Variants in ZNF562 observed in about 807,000 individuals in gnomAD.
ZNF562 encodes the protein zinc finger protein 562.
Under a neutral mutation model 17.5 loss-of-function variants are expected in ZNF562, and 13 were observed. The ratio of observed to expected loss-of-function variants is 0.74; its 90% CI spans 0.48 to 1.18. ZNF562 has a LOEUF of 1.18. ZNF562 is among the 50% of genes most tolerant of loss of function. The pLI is 0.00. For missense variants in ZNF562, 481 were observed against 498.5 expected (o/e 0.96, Z 0.33); for synonymous variants, 163 against 165.4 (o/e 0.99, Z 0.11).
intron 3 of ZNF562, 168 bp from the exon 4 acceptor site, chr19:9,658,303 G>T (rs748914027): frequency 2.0e-6 from 2 of 985,220 alleles, no homozygotes; most frequent in Non-Finnish European, 2.4e-6. Flanking sequence ...AACAATCAAG[G>T]TTGACCTCCT....
chr19:9,651,661 G>A lies in ZNF562; in HGVS notation c.*1288C>T, dbSNP rs775363102. 1.3e-5 allele frequency: 2 copies of A among 152,238 alleles called. No homozygotes were observed. Among genetic ancestry groups the A allele is most frequent in the Non-Finnish European group, 2.9e-5 (2 of 68,042 alleles). The allele number at this position is 152,238 out of a possible 1,614,324, so 9.4% of individuals were successfully genotyped here. On this transcript the variant is annotated 3_prime_UTR_variant, in exon 6 of 6. Transcript: ENST00000453372. ...CTAAACCACAAACAATAGCATGAGT[G>A]ATTTGTGCCTTAAGGACATATTCCT...
Position 9,653,342 on chromosome 19 carries a change from G to A in ZNF562, c.888C>T (p.Ser296=). The A allele has an allele frequency of 6.2e-7, 1 of 1,613,934 alleles. No individual in the cohort carries two copies. The highest frequency in any genetic ancestry group is 8.5e-7 in the Non-Finnish European group (1 of 1,179,932). ...KSFECKECGR[S]FRNSSSFNVH... ...CATTAAAGGATGAGGAATTTCTAAA[G>A]GATCTTCCACATTCTTTACATTCAA... The change falls in exon 6 of 6, where the codon TCC becomes TCT. Residue 296 remains serine (S), a synonymous_variant. Transcript: ENST00000453372.
At chr19:9,668,306 G>GT (rs2145035551) in intron 1 of ZNF562, among the ~76,000 whole-genome samples, 1 of 152,146 alleles carries the variant, frequency 6.6e-6, no homozygotes, top group African/African-American at 2.4e-5. Flanking sequence ...GAGCCCAGGA[G>GT]TTCAAGGCTG....
At position 9,658,148 on chromosome 19, in the gene ZNF562, A is replaced by G. The variant is rs763858638; in HGVS notation, c.115-13T>C. 1.4e-5 allele frequency: 23 copies of G among 1,610,358 alleles called. 1 individual carries two copies. The South Asian group carries it at 1.8e-4, about 12-fold the overall frequency. ...ACGTCACTGAATCCTAAGTCATCAA[A>G]CACATGCTGGTTTGAGCCAATGAAC... On this transcript the variant is annotated splice_polypyrimidine_tract_variant and intron_variant, in intron 3 of 5. Coordinates refer to ENST00000453372, the MANE Select transcript of ZNF562 (RefSeq NM_001130031.2).
chr19:9,661,878 C>T lies in ZNF562; in HGVS notation c.-130-1004G>A, dbSNP rs573024043. Among the ~76,000 whole-genome samples, 11 of 152,234 alleles carry T rather than the reference C, an allele frequency of 7.2e-5. No homozygotes were observed. The South Asian group carries it at 2.3e-3, about 32-fold the overall frequency. ...TGGTCTCAAACAAGTGATTCTCCCACTTCAGCCCCCAAAGTGGCTGGGACT... is the reference window on the plus strand; with the variant it reads ...TGGTCTCAAACAAGTGATTCTCCCATTTCAGCCCCCAAAGTGGCTGGGACT... On this transcript the variant is annotated intron_variant, in intron 1 of 5. Coordinates refer to ENST00000453372, the MANE Select transcript of ZNF562 (RefSeq NM_001130031.2).
intron 1 of ZNF562, among the ~76,000 whole-genome samples, chr19:9,668,934 A>G (rs2044047638): frequency 6.6e-6 from 1 of 151,334 alleles, no homozygotes; most frequent in South Asian, 2.1e-4. Context: ...ATAAAACTAG[A>G]TGCCATCTCT....
rs548651039 is a variant in ZNF562 at position 9,669,627 on chromosome 19, G to A, written c.-131+5388C>T. ...CTTGAGCCCAGGAGTTCCAGACCAGGCTAGGCAACACAGCAACACCTGTCT... is the reference window on the plus strand; with the variant it reads ...CTTGAGCCCAGGAGTTCCAGACCAGACTAGGCAACACAGCAACACCTGTCT... On this transcript the variant is annotated intron_variant, in intron 1 of 5. Transcript: ENST00000453372. Among the ~76,000 whole-genome samples the A allele has an allele frequency of 5.5e-4, 84 of 151,562 alleles. 1 individual carries two copies. The highest frequency in any genetic ancestry group is 1.3e-3 in the Admixed American group (20 of 15,200).
intron 5 of ZNF562, among the ~76,000 whole-genome samples, chr19:9,655,421 T>C (rs1425896561): frequency 6.6e-6 from 1 of 152,198 alleles, no homozygotes; most frequent in Non-Finnish European, 1.5e-5. Context: ...ACATTCAGAC[T>C]ATCTCTCCAG....
rs2074839873 is a variant in ZNF562 at position 9,649,551 on chromosome 19, T to A, written c.*3398A>T. On this transcript the variant is annotated 3_prime_UTR_variant, in exon 6 of 6. Transcript: ENST00000453372. The stretch of plus-strand genomic sequence containing the variant: ...GAGTGGGTCTCTGAACTGGCCCCCC[T>A]GGGTGTAGCCATCTCTTATGGTCGA... The A allele has an allele frequency of 6.6e-6, 1 of 152,134 alleles. No homozygotes were observed. Among genetic ancestry groups the A allele is most frequent in the Non-Finnish European group, 1.5e-5 (1 of 68,024 alleles). The allele number at this position is 152,134 out of a possible 1,614,324, so 9.4% of individuals were successfully genotyped here.
chr19:9,658,740 T>C (rs2043615035), intron 3 of ZNF562, among the ~76,000 whole-genome samples: 1 of 152,180 alleles, frequency 6.6e-6, no homozygotes, highest in Non-Finnish European at 1.5e-5. Flanking sequence ...AATTTTTGAT[T>C]AGAACAGTAC....
chr19:9,658,389 G>C (rs1445295279), intron 3 of ZNF562: 2 of 977,576 alleles, frequency 2.0e-6, no homozygotes, highest in Non-Finnish European at 1.2e-6. Context: ...TGCTCTTTTT[G>C]CCCAGGCTGG....
At chr19:9,654,979 A>T (rs960773506) in intron 5 of ZNF562, among the ~76,000 whole-genome samples, 1 of 152,008 alleles carries the variant, frequency 6.6e-6, no homozygotes, top group Non-Finnish European at 1.5e-5. Context: ...TCAAAAAAAA[A>T]CTGTCTTTTT....
chr19:9,647,422 T>G lies in ZNF562; in HGVS notation c.*5527A>C, dbSNP rs1029630732. 6.6e-6 allele frequency: 1 copy of G among 152,136 alleles called. No individual in the cohort carries two copies. The highest frequency in any genetic ancestry group is 1.5e-5 in the Non-Finnish European group (1 of 68,082). 9.4% of individuals were successfully genotyped at this position (152,136 alleles called of 1,614,324 possible). A position where few individuals can be genotyped will look rare whatever the true frequency, so the allele number is the denominator to read the frequency against. ...ATTTATTTTTATTTTTTTGGAGATATGGGGTCTGTGTTGCCCAGACTGATC... is the reference window on the plus strand; with the variant it reads ...ATTTATTTTTATTTTTTTGGAGATAGGGGGTCTGTGTTGCCCAGACTGATC... On this transcript the variant is annotated 3_prime_UTR_variant, in exon 6 of 6. Coordinates refer to ENST00000453372, the MANE Select transcript of ZNF562 (RefSeq NM_001130031.2).
intron 1 of ZNF562, among the ~76,000 whole-genome samples, chr19:9,662,933 G>A (rs142403087): frequency 9.2e-5 from 14 of 151,802 alleles, no homozygotes; most frequent in East Asian, 7.8e-4. Context: ...AGAATCACTC[G>A]AACCCGGGAG....
intron 2 of ZNF562, among the ~76,000 whole-genome samples, chr19:9,660,388 A>AGG (rs2043690909): frequency 6.6e-6 from 1 of 152,138 alleles, no homozygotes; most frequent in Non-Finnish European, 1.5e-5. Context: ...ACACTTTGGG[A>AGG]GGCCGAGGCA....
Position 9,649,878 on chromosome 19 carries a change from T to G in ZNF562, c.*3071A>C, listed in dbSNP as rs2074843517. On this transcript the variant is annotated 3_prime_UTR_variant, in exon 6 of 6. Coordinates refer to ENST00000453372, the MANE Select transcript of ZNF562 (RefSeq NM_001130031.2). ...CCTTTTGAAAATCCCTAATAAAAACTTGCTGGTTTTTGCGGCTTGTGGGGC... is the reference window on the plus strand; with the variant it reads ...CCTTTTGAAAATCCCTAATAAAAACGTGCTGGTTTTTGCGGCTTGTGGGGC... 6.6e-6 allele frequency: 1 copy of G among 152,144 alleles called. No individual in the cohort carries two copies. The highest frequency in any genetic ancestry group is 1.5e-5 in the Non-Finnish European group (1 of 68,026). 9.4% of individuals were successfully genotyped at this position (152,144 alleles called of 1,614,324 possible).
intron 2 of ZNF562, 92 bp downstream of exon 2, chr19:9,660,628 C>T (rs1599293303): frequency 7.9e-7 from 1 of 1,265,442 alleles, no homozygotes. Context: ...AAAAAAGCAG[C>T]ATGCCTGTTC....
rs200176791 is a variant in ZNF562, at chr19:9,670,236, C to CA, written c.-131+4778dup. Among the ~76,000 whole-genome samples, 589 of 149,996 alleles carry CA rather than the reference C, an allele frequency of 3.9e-3. 2 individuals carry two copies. The highest frequency in any genetic ancestry group is 0.013 in the African/African-American group (539 of 40,768). On this transcript the variant is annotated intron_variant, in intron 1 of 5. Transcript: ENST00000453372. Reference sequence around the variant, plus strand: ...CCTGGGTGACACAGCAAGACTATCTCAAAAAAAACAAAACAAAACAAAAAA... The same window carrying CA: ...CCTGGGTGACACAGCAAGACTATCTCAAAAAAAAACAAAACAAAACAAAAAA...
At chr19:9,674,070 C>T (rs1194041723) in intron 1 of ZNF562, among the ~76,000 whole-genome samples, 1 of 152,234 alleles carries the variant, frequency 6.6e-6, no homozygotes, top group Non-Finnish European at 1.5e-5. Context: ...GGAAGGGGTT[C>T]TTATTCTTGA....
Sources: gnomAD v4.1 joint callset for allele counts (sites outside exome capture counted in the v4.1 genomes callset) on GRCh38, gnomAD v4.1.1 for gene constraint, MANE v1.5 for transcripts, NCBI Gene and HGNC (gene_info 2026-07-23, HGNC 2026-07-21) for gene names.